The following LRRC37A2 variants were observed in gnomAD, a reference collection of about 807,000 sequenced individuals.
LRRC37A2 encodes leucine rich repeat containing 37 member A2.
Under a neutral mutation model 68.8 loss-of-function variants are expected in LRRC37A2, and 9 were observed. That is an observed-to-expected ratio of 0.13 (90% CI 0.08 to 0.23). The LOEUF is 0.23. Ranked by LOEUF, LRRC37A2 falls within the 10% of genes least tolerant of loss-of-function variation. The probability of loss-of-function intolerance (pLI) is 1.00; values close to 1 mark genes in which losing one functional copy is unlikely to be tolerated. For missense variants in LRRC37A2, 168 were observed against 950.4 expected, an observed-to-expected ratio of 0.18 and a Z score of 10.82; for synonymous variants, 63 against 367.6, an observed-to-expected ratio of 0.17 and a Z score of 9.48.
At chr17:47,021,998 G>A in the LRRC37A2 span, 44 of 1,315,950 alleles carry the variant, frequency 3.3e-5, 2 homozygotes, top group Middle Eastern at 5.2e-4. Context: ...TTTTGAGGTC[G>A]GTACCTCTGA....
the LRRC37A2 span, among the ~76,000 whole-genome samples, chr17:46,679,841 G>A: frequency 6.6e-6 from 1 of 151,590 alleles, no homozygotes; most frequent in African/African-American, 2.4e-5. Flanking sequence ...AGGCAAGAAA[G>A]AAATAACAAG....
the LRRC37A2 span, among the ~76,000 whole-genome samples, chr17:47,006,481 G>T: frequency 6.6e-6 from 1 of 151,954 alleles, no homozygotes; most frequent in Non-Finnish European, 1.5e-5. Context: ...GTGTGGTGGT[G>T]CATGCCTGTC....
the LRRC37A2 span, among the ~76,000 whole-genome samples, chr17:46,841,986 C>G: frequency 4.6e-5 from 7 of 152,190 alleles, no homozygotes; most frequent in Non-Finnish European, 1.0e-4. Flanking sequence ...CGCTGACCGG[C>G]AGGGGGCGCT....
At chr17:46,877,148 T>A in the LRRC37A2 span, 1 of 945,792 alleles carries the variant, frequency 1.1e-6, no homozygotes, top group Non-Finnish European at 1.3e-6. Flanking sequence ...CAGTGCCAGC[T>A]GGAAGTGAAG....
At chr17:46,833,855 G>A in the LRRC37A2 span, among the ~76,000 whole-genome samples, 1 of 152,132 alleles carries the variant, frequency 6.6e-6, no homozygotes, top group Admixed American at 6.5e-5. Flanking sequence ...TGGCTGGAGT[G>A]TGTGGTTCTG....
chr17:46,747,136 T>G, the LRRC37A2 span, among the ~76,000 whole-genome samples: 5 of 152,188 alleles, frequency 3.3e-5, no homozygotes, highest in Non-Finnish European at 7.3e-5. Flanking sequence ...CATTCATAGT[T>G]TAGCTCTTAA....
At chr17:46,780,457 A>T in the LRRC37A2 span, among the ~76,000 whole-genome samples, 2 of 152,240 alleles carry the variant, frequency 1.3e-5, 1 homozygote, top group South Asian at 4.1e-4. Flanking sequence ...CCTATAATCC[A>T]GCAATGCCAC....
At chr17:46,934,961 C>A in the LRRC37A2 span, 2 of 1,440,598 alleles carry the variant, frequency 1.4e-6, no homozygotes, top group Non-Finnish European at 2.0e-6. Flanking sequence ...GGCCAAAAGA[C>A]AGAGCAGTGA....
the LRRC37A2 span, among the ~76,000 whole-genome samples, chr17:46,864,084 C>T: frequency 6.6e-5 from 10 of 152,212 alleles, no homozygotes. Context: ...GAGGCCTGGC[C>T]CTTCCAGGGC....
the LRRC37A2 span, among the ~76,000 whole-genome samples, chr17:46,928,788 G>A: frequency 1.3e-5 from 2 of 152,098 alleles, no homozygotes; most frequent in African/African-American, 2.4e-5. Context: ...TAATCCACAT[G>A]TCTTGAATGA....
At chr17:46,841,673 G>A in the LRRC37A2 span, among the ~76,000 whole-genome samples, 94 of 152,316 alleles carry the variant, frequency 6.2e-4, no homozygotes, top group African/African-American at 2.2e-3. Flanking sequence ...GGGCTGGCCG[G>A]GAGCAGGACC....
At chr17:46,499,581 C>G in the LRRC37A2 span, among the ~76,000 whole-genome samples, 120 of 112,358 alleles carry the variant, frequency 1.1e-3, no homozygotes, top group Non-Finnish European at 1.6e-3. Flanking sequence ...ATGATCTGTG[C>G]TCTAAAGGAG....
the LRRC37A2 span, among the ~76,000 whole-genome samples, chr17:46,823,708 G>A: frequency 6.6e-6 from 1 of 152,136 alleles, no homozygotes; most frequent in Non-Finnish European, 1.5e-5. Context: ...CCAAAGTGCT[G>A]GGATTACAGG....
chr17:46,709,232 A>C, the LRRC37A2 span, among the ~76,000 whole-genome samples: 1 of 152,202 alleles, frequency 6.6e-6, no homozygotes, highest in African/African-American at 2.4e-5. Flanking sequence ...TAAATATAAA[A>C]TAATCATTTT....
chr17:46,769,315 CA>C, the LRRC37A2 span, among the ~76,000 whole-genome samples: 51,635 of 102,294 alleles, frequency 0.5, 8,696 homozygotes, highest in South Asian at 0.61. Flanking sequence ...GACTCCGTCT[CA>C]AAAAAAAAAA....
At chr17:46,809,911 C>G in the LRRC37A2 span, among the ~76,000 whole-genome samples, 2 of 152,160 alleles carry the variant, frequency 1.3e-5, no homozygotes, top group Non-Finnish European at 2.9e-5. Flanking sequence ...ATATCAACTC[C>G]TCAAGCTCAG....
the LRRC37A2 span, among the ~76,000 whole-genome samples, chr17:46,823,769 G>A: frequency 2.0e-5 from 3 of 152,164 alleles, no homozygotes; most frequent in Admixed American, 6.5e-5. Context: ...AGCGATTTGC[G>A]GTGAAAGTCC....
At chr17:46,957,121 T>C in the LRRC37A2 span, among the ~76,000 whole-genome samples, 2 of 151,920 alleles carry the variant, frequency 1.3e-5, no homozygotes, top group Admixed American at 6.6e-5. Flanking sequence ...CCATCCTGGG[T>C]GACATGGTGA....
At chr17:46,745,916 C>A in the LRRC37A2 span, among the ~76,000 whole-genome samples, 3 of 152,146 alleles carry the variant, frequency 2.0e-5, no homozygotes, top group Non-Finnish European at 4.4e-5. Context: ...TGCCCTTGGA[C>A]TTAGGTATTT....
Sources: gnomAD v4.1 joint callset for allele counts (sites outside exome capture counted in the v4.1 genomes callset) on GRCh38, gnomAD v4.1.1 for gene constraint, MANE v1.5 for transcripts, NCBI Gene and HGNC (gene_info 2026-07-23, HGNC 2026-07-21) for gene names.